TSGA10: variants seen among roughly 807,000 people sequenced by gnomAD.
The protein encoded by TSGA10 is testis specific 10.
A neutral mutation model predicts 96.6 loss-of-function variants in TSGA10; 43 were observed. The observed-to-expected ratio is 0.44, with a 90% CI of 0.35 to 0.57. The LOEUF (loss-of-function observed/expected upper bound fraction) is 0.57, where lower values mean the gene tolerates loss of function less well. TSGA10 is among the 20% of genes least tolerant of loss of function. TSGA10 has a pLI of 0.01. For synonymous variants in TSGA10, 229 were observed against 269.9 expected, an observed-to-expected ratio of 0.85 and a Z score of 1.48; for missense variants, 703 against 834.4, an observed-to-expected ratio of 0.84 and a Z score of 1.94.
At chr2:99,134,216 CCAAT>C (rs1295229768) in intron 1 of TSGA10, among the ~76,000 whole-genome samples, 1 of 152,160 alleles carries the variant, frequency 6.6e-6, no homozygotes, top group African/African-American at 2.4e-5. Context: ...TCAGAGTATA[CCAAT>C]CAAAGGTAGG....
intron 17 of TSGA10, among the ~76,000 whole-genome samples, chr2:99,028,932 T>G (rs1020049955): frequency 1.3e-5 from 2 of 152,196 alleles, no homozygotes; most frequent in African/African-American, 4.8e-5. Flanking sequence ...GTAAAAAAAT[T>G]TTCCATGTTG....
At chr2:99,137,315 G>T (rs2093366656) in intron 1 of TSGA10, among the ~76,000 whole-genome samples, 1 of 152,116 alleles carries the variant, frequency 6.6e-6, no homozygotes, top group Admixed American at 6.5e-5. Flanking sequence ...CTCTTAATGT[G>T]ATCACCTTAG....
In TSGA10 at chr2:99,017,879, T is replaced by C. The variant is rs532154294; in HGVS notation, c.2072+321A>G. ...GGGTACAGTGCACACTGTTTGGGTG[T>C]TGGATGCACCAAAATCTCAAAAATT... On this transcript the variant is annotated intron_variant, in intron 20 of 20. Coordinates refer to ENST00000393483, the MANE Select transcript of TSGA10 (RefSeq NM_025244.4). 1.4e-4 allele frequency among the ~76,000 whole-genome samples: 21 copies of C among 152,000 alleles called. No individual in the cohort carries two copies. In the East Asian group the frequency reaches 4.1e-3, roughly 29 times the overall value.
At chr2:99,078,587 C>A (rs1194021575) in intron 12 of TSGA10, 72 bp downstream of exon 12, 14 of 1,408,442 alleles carry the variant, frequency 9.9e-6, no homozygotes, top group African/African-American at 1.4e-5. Flanking sequence ...GATTCTAGTT[C>A]TTTTAAACCA....
chr2:99,073,972 T>C lies in TSGA10; in HGVS notation c.883-899A>G, dbSNP rs553862968. ...TTTTTAAAAACCCAAACCTATATTT[T>C]CCAACCAATTCTGTTCCTGTTTCTT... On this transcript the variant is annotated intron_variant, in intron 12 of 20. Transcript: ENST00000393483. 4.0e-5 allele frequency among the ~76,000 whole-genome samples: 6 copies of C among 149,936 alleles called. No individual in the cohort carries two copies. In the South Asian group the frequency reaches 1.3e-3, roughly 32 times the overall value.
chr2:99,001,547 G>A (rs2077906108), intron 20 of TSGA10, among the ~76,000 whole-genome samples: 1 of 152,162 alleles, frequency 6.6e-6, no homozygotes, highest in Admixed American at 6.6e-5. Flanking sequence ...CAGAAAAGCT[G>A]AAAATTCCAA....
At position 99,151,913 on chromosome 2, in the gene TSGA10, CT is replaced by C. The variant is rs2093698215; in HGVS notation, c.-621+2779del. Among the ~76,000 whole-genome samples the C allele has an allele frequency of 2.0e-5, 3 of 152,126 alleles. No individual in the cohort carries two copies. The South Asian group carries it at 6.2e-4, about 32-fold the overall frequency. ...TTCATTTTAAAAGAGGAAAGGGCAT[CT>C]TTTCCGGGGGGAAGCTATATTTTAT... On this transcript the variant is annotated intron_variant, in intron 1 of 20. Coordinates refer to ENST00000393483, the MANE Select transcript of TSGA10 (RefSeq NM_025244.4).
At chr2:99,020,566 TA>T in intron 17 of TSGA10, 84 bp from the exon 18 acceptor site, 4 of 1,015,228 alleles carry the variant, frequency 3.9e-6, no homozygotes, top group East Asian at 2.6e-5. Context: ...AAAATTTTCA[TA>T]ATCTGTTATA....
intron 11 of TSGA10, among the ~76,000 whole-genome samples, chr2:99,079,337 AG>A (rs1229414309): frequency 5.3e-5 from 8 of 152,220 alleles, no homozygotes; most frequent in Admixed American, 4.6e-4. Context: ...AAATCATCCC[AG>A]GAAGTATGAT....
intron 17 of TSGA10, among the ~76,000 whole-genome samples, chr2:99,027,320 G>C (rs1486001859): frequency 6.6e-6 from 1 of 152,206 alleles, no homozygotes; most frequent in African/African-American, 2.4e-5. Flanking sequence ...AATACTGTAT[G>C]ATCTTACTTA....
chr2:99,002,901 C>T (rs1372607466), intron 20 of TSGA10, among the ~76,000 whole-genome samples: 1 of 151,848 alleles, frequency 6.6e-6, no homozygotes, highest in Non-Finnish European at 1.5e-5. Context: ...ACTCTGTCGC[C>T]CAGGCTGGAG....
chr2:99,097,453 T>C (rs548642035), intron 10 of TSGA10, among the ~76,000 whole-genome samples: 1 of 152,288 alleles, frequency 6.6e-6, no homozygotes, highest in South Asian at 2.1e-4. Flanking sequence ...CACATGTATG[T>C]ATATGTGTTA....
chr2:99,103,896 T>A, intron 10 of TSGA10, 71 bp downstream of exon 10: 2 of 1,518,588 alleles, frequency 1.3e-6, no homozygotes, highest in South Asian at 1.3e-5. Context: ...ATTTTCATTA[T>A]AAAATACACT....
chr2:99,116,109 A>G (rs186151727), intron 4 of TSGA10, among the ~76,000 whole-genome samples: 1 of 152,368 alleles, frequency 6.6e-6, no homozygotes, highest in Non-Finnish European at 1.5e-5. Flanking sequence ...TTAAGAAATA[A>G]CACGTAATAA....
intron 12 of TSGA10, among the ~76,000 whole-genome samples, chr2:99,077,658 T>C (rs1298539501): frequency 6.6e-6 from 1 of 151,286 alleles, no homozygotes; most frequent in Non-Finnish European, 1.5e-5. Context: ...GCCTCCGGGG[T>C]TCAAGCGAGT....
intron 20 of TSGA10, among the ~76,000 whole-genome samples, chr2:99,007,147 TG>T (rs2078564118): frequency 8.3e-6 from 1 of 121,030 alleles, no homozygotes; most frequent in African/African-American, 3.3e-5. Flanking sequence ...TGTTGTGGGG[TG>T]GGAGGAGGGG....
rs541096150 is a variant in TSGA10 at position 99,020,471 on chromosome 2, C to T, written c.1626G>A (p.Glu542=). 17 of 1,609,250 alleles carry T rather than the reference C, an allele frequency of 1.1e-5. No homozygotes were observed. The highest frequency in any genetic ancestry group is 1.7e-5 in the Admixed American group (1 of 59,936). ...CAATTTCAGAATGAGCAGAATCTAACTCATTCTCCCTCTGTTCAATAACAA... is the reference window on the plus strand; with the variant it reads ...CAATTTCAGAATGAGCAGAATCTAATTCATTCTCCCTCTGTTCAATAACAA... ...KDQEIEMREN[E]LDSAHSEIEL... The change falls in exon 18 of 21, where the codon GAG becomes GAA. Residue 542 remains glutamate (E), a synonymous_variant. Coordinates refer to ENST00000393483, the MANE Select transcript of TSGA10 (RefSeq NM_025244.4).
intron 20 of TSGA10, among the ~76,000 whole-genome samples, chr2:99,000,047 C>T (rs1266333908): frequency 3.9e-5 from 6 of 152,180 alleles, no homozygotes; most frequent in South Asian, 4.1e-4. Flanking sequence ...TGAGCAACCA[C>T]GCCCAGTGTA....
At chr2:99,007,890 T>G (rs2078646038) in intron 20 of TSGA10, among the ~76,000 whole-genome samples, 1 of 152,158 alleles carries the variant, frequency 6.6e-6, no homozygotes, top group African/African-American at 2.4e-5. Flanking sequence ...TTAAATAGTG[T>G]GGGACTGCAC....
Sources: gnomAD v4.1 joint callset for allele counts (sites outside exome capture counted in the v4.1 genomes callset) on GRCh38, gnomAD v4.1.1 for gene constraint, MANE v1.5 for transcripts, NCBI Gene and HGNC (gene_info 2026-07-23, HGNC 2026-07-21) for gene names.